CAMKMT: variants seen among roughly 807,000 people sequenced by gnomAD.
CAMKMT encodes the protein calmodulin-lysine N-methyltransferase.
In CAMKMT, 53 loss-of-function variants were observed where a neutral mutation model predicts 48.0. The observed-to-expected ratio is 1.10, with a 90% CI of 0.89 to 1.39. The LOEUF (loss-of-function observed/expected upper bound fraction) is 1.39. Among genes scored for constraint, CAMKMT ranks in the 40% most tolerant of loss-of-function variants. CAMKMT has a pLI of 0.00. For synonymous variants in CAMKMT, 165 were observed against 152.3 expected, an observed-to-expected ratio of 1.08 and a Z score of -0.61; for missense variants, 428 against 402.7, an observed-to-expected ratio of 1.06 and a Z score of -0.54.
At chr2:44,764,315 AG>A (rs1680743048) in intron 9 of CAMKMT, among the ~76,000 whole-genome samples, 1 of 152,140 alleles carries the variant, frequency 6.6e-6, no homozygotes, top group Non-Finnish European at 1.5e-5. Context: ...CGAAGGGGAG[AG>A]GGAGAGAGAA....
At chr2:44,577,946 G>A (rs1365842549) in intron 3 of CAMKMT, among the ~76,000 whole-genome samples, 1 of 152,282 alleles carries the variant, frequency 6.6e-6, no homozygotes, top group East Asian at 1.9e-4. Flanking sequence ...TTCTTCTTAA[G>A]TTTATTATTC....
intron 3 of CAMKMT, among the ~76,000 whole-genome samples, chr2:44,701,647 C>G (rs1180718484): frequency 6.6e-6 from 1 of 152,172 alleles, no homozygotes; most frequent in Non-Finnish European, 1.5e-5. Context: ...ACCACAATTA[C>G]TTTTGCATCA....
rs146313978 is a variant in CAMKMT at position 44,771,252 on chromosome 2, A to C, written c.895-784A>C. On this transcript the variant is annotated intron_variant, in intron 10 of 10. Transcript: ENST00000378494. ...TTTTTTATTCTTATAATCTAAAAAG[A>C]AATTAACAATTGGCTCATAAATTCC... Among the ~76,000 whole-genome samples the C allele has an allele frequency of 1.1e-4, 16 of 152,320 alleles. No homozygotes were observed. The East Asian group carries it at 2.9e-3, about 28-fold the overall frequency.
At chr2:44,471,144 G>A (rs1026268410) in intron 3 of CAMKMT, among the ~76,000 whole-genome samples, 14 of 151,458 alleles carry the variant, frequency 9.2e-5, no homozygotes, top group African/African-American at 2.2e-4. Context: ...ACAGGCACCC[G>A]CCATCACACC....
intron 3 of CAMKMT, among the ~76,000 whole-genome samples, chr2:44,687,652 T>TTA (rs1472336697): frequency 6.6e-6 from 1 of 152,356 alleles, no homozygotes; most frequent in African/African-American, 2.4e-5. Context: ...TCAAAACCTA[T>TTA]TATAATGCAT....
chr2:44,621,074 C>T (rs561426503), intron 3 of CAMKMT, among the ~76,000 whole-genome samples: 93 of 152,134 alleles, frequency 6.1e-4, no homozygotes, highest in African/African-American at 2.0e-3. Context: ...AGAGACCATC[C>T]TGGCTAAAAC....
intron 3 of CAMKMT, among the ~76,000 whole-genome samples, chr2:44,586,902 G>T (rs1402636206): frequency 6.6e-6 from 1 of 152,158 alleles, no homozygotes; most frequent in Non-Finnish European, 1.5e-5. Flanking sequence ...TTTCCAGAGG[G>T]GTGGTTCTAT....
rs1376452955 is a variant in CAMKMT at position 44,527,271 on chromosome 2, G to A, written c.376+136966G>A. Among the ~76,000 whole-genome samples, 10 of 138,934 alleles carry A rather than the reference G, an allele frequency of 7.2e-5. No homozygotes were observed. The South Asian group carries it at 1.5e-3, about 21-fold the overall frequency. The allele number at this position is 138,934 out of a possible 152,430, so 91.1% of individuals were successfully genotyped here. The stretch of plus-strand genomic sequence containing the variant: ...CCACCATATCTGGCAATATATATAT[G>A]TTATATATATTATATATATATAATA... On this transcript the variant is annotated intron_variant, in intron 3 of 10. Coordinates refer to ENST00000378494, the MANE Select transcript of CAMKMT (RefSeq NM_024766.5).
rs1481925788 is a variant in CAMKMT, at chr2:44,733,601, A to G, written c.624-10021A>G. Among the ~76,000 whole-genome samples, 3 of 152,276 alleles carry G rather than the reference A, an allele frequency of 2.0e-5. No homozygotes were observed. The East Asian group carries it at 5.8e-4, about 29-fold the overall frequency. ...TTCATAGATGACCTTTTTCAGGCCA[A>G]AGAATTTCCTTTCTATTTTTAGGTT... On this transcript the variant is annotated intron_variant, in intron 7 of 10. Coordinates refer to ENST00000378494, the MANE Select transcript of CAMKMT (RefSeq NM_024766.5).
chr2:44,633,466 T>A (rs1318177806), intron 3 of CAMKMT, among the ~76,000 whole-genome samples: 3 of 152,150 alleles, frequency 2.0e-5, no homozygotes, highest in African/African-American at 7.2e-5. Flanking sequence ...TTTTACCCCT[T>A]TCTCTTTCTC....
At chr2:44,447,507 A>C (rs1031794811) in intron 3 of CAMKMT, among the ~76,000 whole-genome samples, 5 of 151,986 alleles carry the variant, frequency 3.3e-5, no homozygotes, top group African/African-American at 1.2e-4. Flanking sequence ...ATCCCCCCCA[A>C]CCTCAGTGGC....
intron 8 of CAMKMT, 96 bp from the exon 9 acceptor site, chr2:44,753,959 G>A: frequency 1.2e-6 from 1 of 821,270 alleles, no homozygotes; most frequent in Non-Finnish European, 2.0e-6. Flanking sequence ...TTAGCGTTGG[G>A]TAAACATGTG....
intron 3 of CAMKMT, among the ~76,000 whole-genome samples, chr2:44,498,107 G>C (rs768864477): frequency 3.9e-5 from 6 of 152,246 alleles, no homozygotes; most frequent in Non-Finnish European, 5.9e-5. Context: ...TGGAGCCCTT[G>C]GGAGTTCAAG....
At chr2:44,408,017 G>T in intron 3 of CAMKMT, among the ~76,000 whole-genome samples, 1 of 141,936 alleles carries the variant, frequency 7.0e-6, no homozygotes, top group South Asian at 2.3e-4. Context: ...GACAACAGTA[G>T]AGCATGTCTT....
At chr2:44,566,822 A>G (rs1241599909) in intron 3 of CAMKMT, among the ~76,000 whole-genome samples, 1 of 152,236 alleles carries the variant, frequency 6.6e-6, no homozygotes, top group Non-Finnish European at 1.5e-5. Flanking sequence ...AGATAACCTG[A>G]AAACATACCT....
chr2:44,537,148 C>T (rs1255182425), intron 3 of CAMKMT, among the ~76,000 whole-genome samples: 2 of 152,056 alleles, frequency 1.3e-5, no homozygotes, highest in African/African-American at 4.8e-5. Context: ...ACAACAAAAA[C>T]AAAAATGTAC....
At chr2:44,587,611 G>T (rs1425035585) in intron 3 of CAMKMT, among the ~76,000 whole-genome samples, 1 of 131,776 alleles carries the variant, frequency 7.6e-6, no homozygotes, top group African/African-American at 2.8e-5. Flanking sequence ...GAGTGCCTGC[G>T]ATTGCAGGCG....
At chr2:44,377,771 G>C (rs1442629921) in intron 2 of CAMKMT, among the ~76,000 whole-genome samples, 2 of 152,108 alleles carry the variant, frequency 1.3e-5, no homozygotes, top group African/African-American at 4.8e-5. Context: ...AGTCAAGAAT[G>C]ACTTTGTCTT....
At chr2:44,624,812 A>G (rs545000929) in intron 3 of CAMKMT, among the ~76,000 whole-genome samples, 75 of 152,252 alleles carry the variant, frequency 4.9e-4, no homozygotes, top group African/African-American at 1.8e-3. Context: ...TTATAGCAGC[A>G]TGATTTATAG....
Sources: allele counts gnomAD v4.1 joint callset (sites outside exome capture counted in the v4.1 genomes callset), GRCh38; gene constraint gnomAD v4.1.1; transcripts MANE v1.5; gene names NCBI Gene and HGNC (gene_info 2026-07-23, HGNC 2026-07-21).